Variants in TENM2 observed in about 807,000 individuals in gnomAD.
The protein encoded by TENM2 is teneurin transmembrane protein 2.
In TENM2, 52 loss-of-function variants were observed where a neutral mutation model predicts 245.2. The ratio of observed to expected loss-of-function variants is 0.21; its 90% CI spans 0.17 to 0.27. The LOEUF (loss-of-function observed/expected upper bound fraction) is 0.27, where lower values mean the gene tolerates loss of function less well. Among genes scored for constraint, TENM2 ranks in the 10% least tolerant of loss-of-function variants. The probability of loss-of-function intolerance (pLI) is 1.00; values close to 1 mark genes in which losing one functional copy is unlikely to be tolerated. For synonymous variants in TENM2, 1,363 were observed against 1,438.9 expected (o/e 0.95, Z 1.19); for missense variants, 3,046 against 3,666.8 (o/e 0.83, Z 4.37).
Position 168,211,758 on chromosome 5 carries a change from A to G in TENM2, c.3845+4A>G. On this transcript the variant is annotated splice_donor_region_variant and intron_variant, in intron 20 of 28. Transcript: ENST00000518659. ...GAAATAAAGAGTTTAAACATAGGTA[A>G]GATGAAGAACTCTTTCCCATATAAT... 7.4e-7 allele frequency: 1 copy of G among 1,352,112 alleles called. No individual in the cohort carries two copies. Among genetic ancestry groups the G allele is most frequent in the Non-Finnish European group, 1.0e-6 (1 of 984,026 alleles). The allele number at this position is 1,352,112 out of a possible 1,614,324, so 83.8% of individuals were successfully genotyped here.
intron 2 of TENM2, among the ~76,000 whole-genome samples, chr5:167,610,191 A>C (rs1367151140): frequency 6.6e-6 from 1 of 152,146 alleles, no homozygotes; most frequent in African/African-American, 2.4e-5. Context: ...AGGTATTGGC[A>C]AGGTATAGGA....
the TENM2 span, among the ~76,000 whole-genome samples, chr5:167,055,735 A>C: frequency 3.9e-5 from 6 of 152,100 alleles, no homozygotes; most frequent in Non-Finnish European, 4.4e-5. Flanking sequence ...AAATAAAAGC[A>C]ATTAACCTTT....
chr5:167,253,331 C>G, the TENM2 span, among the ~76,000 whole-genome samples: 1 of 150,326 alleles, frequency 6.7e-6, no homozygotes, highest in Non-Finnish European at 1.5e-5. Context: ...CTACTGGGCT[C>G]AAAAGATCCA....
At chr5:168,223,260 G>C (rs1763827663) in intron 23 of TENM2, among the ~76,000 whole-genome samples, 1 of 152,166 alleles carries the variant, frequency 6.6e-6, no homozygotes, top group African/African-American at 2.4e-5. Flanking sequence ...CCTATGCATT[G>C]TAAGTGTCCC....
intron 7 of TENM2, among the ~76,000 whole-genome samples, chr5:168,065,672 A>G (rs1432935622): frequency 3.3e-5 from 5 of 152,082 alleles, no homozygotes; most frequent in Non-Finnish European, 7.4e-5. Flanking sequence ...TAAAGAAAAA[A>G]CTACATTTCA....
chr5:167,742,338 T>C (rs1415954553), intron 2 of TENM2, among the ~76,000 whole-genome samples: 5 of 151,466 alleles, frequency 3.3e-5, no homozygotes, highest in Non-Finnish European at 5.9e-5. Context: ...ACCACACATA[T>C]TATTTAACCC....
At chr5:167,872,840 A>C (rs1773102382) in intron 2 of TENM2, among the ~76,000 whole-genome samples, 1 of 152,274 alleles carries the variant, frequency 6.6e-6, no homozygotes, top group Non-Finnish European at 1.5e-5. Flanking sequence ...ATATGAAATG[A>C]ATTCATGCTG....
At chr5:167,568,404 T>C (rs1774042750) in intron 2 of TENM2, among the ~76,000 whole-genome samples, 1 of 152,120 alleles carries the variant, frequency 6.6e-6, no homozygotes, top group African/African-American at 2.4e-5. Flanking sequence ...GAATGGCTCA[T>C]TCATGTATCA....
At chr5:167,025,756 G>C in the TENM2 span, among the ~76,000 whole-genome samples, 1 of 152,116 alleles carries the variant, frequency 6.6e-6, no homozygotes, top group Non-Finnish European at 1.5e-5. Flanking sequence ...TTCACATCTA[G>C]AAAATAAGAG....
At chr5:168,042,091 C>T (rs373866269) in intron 5 of TENM2, among the ~76,000 whole-genome samples, 4 of 152,148 alleles carry the variant, frequency 2.6e-5, no homozygotes, top group African/African-American at 9.7e-5. Context: ...CACGGAGACC[C>T]AGCCCTAACC....
At chr5:168,076,398 G>GTATTTTTAGC in intron 7 of TENM2, among the ~76,000 whole-genome samples, 1 of 151,660 alleles carries the variant, frequency 6.6e-6, no homozygotes, top group South Asian at 2.1e-4. Context: ...ACTAATTTTG[G>GTATTTTTAGC]TATTTTTAGC....
At chr5:167,189,919 G>T in the TENM2 span, among the ~76,000 whole-genome samples, 1 of 151,942 alleles carries the variant, frequency 6.6e-6, no homozygotes, top group East Asian at 1.9e-4. Context: ...ATCTGAATTA[G>T]AATTTATTGA....
At chr5:167,359,012 C>T (rs75324580) in intron 1 of TENM2, among the ~76,000 whole-genome samples, 3 of 152,232 alleles carry the variant, frequency 2.0e-5, no homozygotes, top group South Asian at 2.1e-4. Flanking sequence ...TCTTTCCATC[C>T]GGACGGGCTG....
the TENM2 span, among the ~76,000 whole-genome samples, chr5:167,055,180 G>T: frequency 5.3e-5 from 8 of 151,994 alleles, no homozygotes; most frequent in Admixed American, 4.6e-4. Flanking sequence ...TTAGATCTCT[G>T]ATCCATTTTG....
intron 2 of TENM2, among the ~76,000 whole-genome samples, chr5:167,671,164 C>T (rs1339739489): frequency 6.6e-6 from 1 of 152,114 alleles, no homozygotes; most frequent in East Asian, 1.9e-4. Flanking sequence ...CACACACCTA[C>T]CCCACCCCAT....
At chr5:167,249,555 G>A in the TENM2 span, among the ~76,000 whole-genome samples, 1 of 152,172 alleles carries the variant, frequency 6.6e-6, no homozygotes, top group Non-Finnish European at 1.5e-5. Flanking sequence ...GGCACTGACT[G>A]TACTGGGTAG....
chr5:168,028,363 G>A lies in TENM2; in HGVS notation c.1187-19064G>A, dbSNP rs77258010. Among the ~76,000 whole-genome samples the A allele has an allele frequency of 2.5e-3, 381 of 152,254 alleles. 1 individual carries two copies. Among genetic ancestry groups the A allele is most frequent in the African/African-American group, 8.9e-3 (369 of 41,542 alleles). Reference sequence around the variant, plus strand: ...GCAGTTTTGACACTTTGTGGAAAGTGTAGAGGCTTGATATGGATTCTCTTC... The same window carrying A: ...GCAGTTTTGACACTTTGTGGAAAGTATAGAGGCTTGATATGGATTCTCTTC... On this transcript the variant is annotated intron_variant, in intron 5 of 28. Coordinates refer to ENST00000518659, the Ensembl canonical transcript of TENM2.
intron 2 of TENM2, among the ~76,000 whole-genome samples, chr5:167,696,412 G>A (rs960276001): frequency 6.6e-6 from 1 of 152,140 alleles, no homozygotes; most frequent in Non-Finnish European, 1.5e-5. Context: ...GAAATGCATA[G>A]AACAATAGTA....
chr5:168,180,051 G>C (rs191594952), intron 13 of TENM2, among the ~76,000 whole-genome samples: 4 of 152,284 alleles, frequency 2.6e-5, no homozygotes, highest in Non-Finnish European at 4.4e-5. Context: ...TAGTAGTACC[G>C]ACGTGGTTTG....
Sources: allele counts gnomAD v4.1 joint callset (sites outside exome capture counted in the v4.1 genomes callset), GRCh38; gene constraint gnomAD v4.1.1; transcripts MANE v1.5; gene names NCBI Gene and HGNC (gene_info 2026-07-23, HGNC 2026-07-21).